The following TUSC3 variants were observed in gnomAD, a reference collection of about 807,000 sequenced individuals.
The protein encoded by TUSC3 is tumor suppressor candidate 3.
A neutral mutation model predicts 44.8 loss-of-function variants in TUSC3; 45 were observed. That is an observed-to-expected ratio of 1.00 (90% CI 0.79 to 1.29). The LOEUF (loss-of-function observed/expected upper bound fraction) is 1.29. TUSC3 is among the 50% of genes most tolerant of loss of function. TUSC3 has a pLI of 0.00. For synonymous variants in TUSC3, 212 were observed against 152.9 expected (o/e 1.39, Z -2.85); for missense variants, 519 against 437.9 (o/e 1.19, Z -1.65).
chr8:15,747,643 G>C (rs1811478145), intron 8 of TUSC3, among the ~76,000 whole-genome samples: 1 of 151,952 alleles, frequency 6.6e-6, no homozygotes, highest in Non-Finnish European at 1.5e-5. Flanking sequence ...ATACTAAAAA[G>C]GAAATGAGAA....
At chr8:15,810,329 G>A in the TUSC3 span, among the ~76,000 whole-genome samples, 2 of 152,152 alleles carry the variant, frequency 1.3e-5, no homozygotes, top group Non-Finnish European at 2.9e-5. Flanking sequence ...TATATGAGAT[G>A]TTGAATACTC....
chr8:15,764,755 C>CAG lies in TUSC3; in HGVS notation c.*600_*601insGA, dbSNP rs1812282058. ...GGTACCTACAATTTGGATGCCTAAC[C>CAG]AAGGACTAGAGCTCCTTCTTGAGAT... On this transcript the variant is annotated 3_prime_UTR_variant, in exon 11 of 11. Coordinates refer to ENST00000503731, the MANE Select transcript of TUSC3 (RefSeq NM_006765.4). The CAG allele has an allele frequency of 6.5e-6, 1 of 152,752 alleles. No individual in the cohort carries two copies. Among genetic ancestry groups the CAG allele is most frequent in the Non-Finnish European group, 1.5e-5 (1 of 68,508 alleles). 9.5% of individuals were successfully genotyped at this position (152,752 alleles called of 1,614,324 possible).
chr8:15,624,041 C>T (rs1253687517), intron 2 of TUSC3, among the ~76,000 whole-genome samples: 3 of 152,078 alleles, frequency 2.0e-5, no homozygotes, highest in Non-Finnish European at 4.4e-5. Flanking sequence ...TTTGTCATTT[C>T]AAGAATCTTA....
At chr8:15,509,170 T>C (rs1348033116) in intron 2 of TUSC3, among the ~76,000 whole-genome samples, 1 of 152,230 alleles carries the variant, frequency 6.6e-6, no homozygotes, top group Non-Finnish European at 1.5e-5. Context: ...GAATCCACAT[T>C]GTTTTCCAAC....
At chr8:15,503,505 C>T (rs10104195) in intron 2 of TUSC3, among the ~76,000 whole-genome samples, 5,973 of 152,022 alleles carry the variant, frequency 0.039, 414 homozygotes, top group African/African-American at 0.14. Flanking sequence ...TTTAAGTAGG[C>T]TTTGCTTCCT....
At chr8:15,552,664 A>T (rs1018912704) in intron 1 of TUSC3, among the ~76,000 whole-genome samples, 5 of 151,656 alleles carry the variant, frequency 3.3e-5, no homozygotes, top group African/African-American at 1.2e-4. Context: ...GGAATAGTGG[A>T]TTGAGGCCAG....
chr8:15,485,216 C>T lies in TUSC3; in HGVS notation n.189+1733C>T, dbSNP rs140038438. Among the ~76,000 whole-genome samples the T allele has an allele frequency of 2.3e-3, 343 of 152,288 alleles. 2 individuals are homozygous for T. Among genetic ancestry groups the T allele is most frequent in the South Asian group, 0.018 (89 of 4,818 alleles). On this transcript the variant is annotated intron_variant and non_coding_transcript_variant, in intron 2 of 5. Coordinates refer to the TUSC3 transcript ENST00000503191. ...CACCCTCACCAAGTTCCTCTGGCTG[C>T]ACTTCTAGTTTTTCAGACATCGGCA...
rs560682790 is a variant in TUSC3 at position 15,696,906 on chromosome 8, T to C, written c.798+23070T>C. Among the ~76,000 whole-genome samples, 117 of 152,298 alleles carry C rather than the reference T, an allele frequency of 7.7e-4. 1 individual carries two copies. Among genetic ancestry groups the C allele is most frequent in the Admixed American group, 7.4e-3 (113 of 15,306 alleles). ...TTGAATGTCTGGTAGAATTCTGCTG[T>C]GAATCTAGCTGGTCCTGGACTTTTT... On this transcript the variant is annotated intron_variant, in intron 6 of 10. Coordinates refer to ENST00000503731, the MANE Select transcript of TUSC3 (RefSeq NM_006765.4).
At chr8:15,524,858 G>T (rs1297184731) in intron 2 of TUSC3, among the ~76,000 whole-genome samples, 1 of 152,172 alleles carries the variant, frequency 6.6e-6, no homozygotes, top group Non-Finnish European at 1.5e-5. Context: ...TATTAAGCCA[G>T]ACATTGGCAA....
intron 1 of TUSC3, among the ~76,000 whole-genome samples, chr8:15,464,968 G>A (rs1800395140): frequency 6.6e-6 from 1 of 152,084 alleles, no homozygotes; most frequent in African/African-American, 2.4e-5. Flanking sequence ...TCTTGCCTCA[G>A]CCTCCCAAGT....
chr8:15,456,631 AG>A (rs1340018026), intron 1 of TUSC3, among the ~76,000 whole-genome samples: 2 of 152,180 alleles, frequency 1.3e-5, no homozygotes, highest in Non-Finnish European at 2.9e-5. Context: ...AGACAGAGGT[AG>A]GGAAAAAAGG....
chr8:15,666,747 A>T (rs747358722), intron 5 of TUSC3, among the ~76,000 whole-genome samples: 38 of 151,402 alleles, frequency 2.5e-4, no homozygotes, highest in Non-Finnish European at 4.9e-4. Flanking sequence ...TCAATGAAAT[A>T]ATGTTGTTTT....
At chr8:15,439,200 G>C (rs963404334) in intron 1 of TUSC3, among the ~76,000 whole-genome samples, 4 of 152,174 alleles carry the variant, frequency 2.6e-5, no homozygotes, top group African/African-American at 9.6e-5. Context: ...TGAAGTGGTA[G>C]CCAGCGACCC....
the TUSC3 span, among the ~76,000 whole-genome samples, chr8:15,847,415 C>T: frequency 5.9e-5 from 9 of 152,082 alleles, no homozygotes; most frequent in African/African-American, 9.7e-5. Flanking sequence ...CTCATTCACT[C>T]GAAATGTTTG....
intron 4 of TUSC3, among the ~76,000 whole-genome samples, chr8:15,661,355 A>G (rs558535304): frequency 6.6e-6 from 1 of 152,074 alleles, no homozygotes; most frequent in South Asian, 2.1e-4. Flanking sequence ...AATCCGGAAT[A>G]TTTCTGTAGC....
the TUSC3 span, among the ~76,000 whole-genome samples, chr8:15,813,448 A>C: frequency 4.2e-5 from 6 of 143,236 alleles, no homozygotes; most frequent in South Asian, 1.2e-3. Context: ...CTAAGCTTGT[A>C]ATACCATCCT....
intron 1 of TUSC3, among the ~76,000 whole-genome samples, chr8:15,600,368 A>C (rs79881033): frequency 6.6e-6 from 1 of 151,804 alleles, no homozygotes; most frequent in East Asian, 1.9e-4. Flanking sequence ...TCTAAGGACA[A>C]ACAGGTTTGA....
intron 1 of TUSC3, among the ~76,000 whole-genome samples, chr8:15,466,874 G>A (rs1488912118): frequency 6.6e-6 from 1 of 151,998 alleles, no homozygotes; most frequent in Non-Finnish European, 1.5e-5. Context: ...TCACTCAGAG[G>A]GCCATTGATA....
chr8:15,539,082 G>C (rs1447782009), upstream of TUSC3, among the ~76,000 whole-genome samples: 1 of 151,554 alleles, frequency 6.6e-6, no homozygotes, highest in Non-Finnish European at 1.5e-5. Flanking sequence ...CCAACTCTTG[G>C]ACACAAGCCT....
Sources: allele counts gnomAD v4.1 joint callset (sites outside exome capture counted in the v4.1 genomes callset), GRCh38; gene constraint gnomAD v4.1.1; transcripts MANE v1.5; gene names NCBI Gene and HGNC (gene_info 2026-07-23, HGNC 2026-07-21).